Variants in ADAMTSL1 observed in about 807,000 individuals in gnomAD.
ADAMTSL1 encodes the protein ADAMTS-like protein 1.
Under a neutral mutation model 201.8 loss-of-function variants are expected in ADAMTSL1, and 126 were observed. The observed-to-expected ratio is 0.62, with a 90% CI of 0.54 to 0.72. The LOEUF is 0.72. Ranked by LOEUF, ADAMTSL1 falls within the 30% of genes least tolerant of loss-of-function variation. The pLI is 0.00. For synonymous variants in ADAMTSL1, 1,121 were observed against 903.4 expected, an observed-to-expected ratio of 1.24 and a Z score of -4.32; for missense variants, 2,679 against 2,277.8, an observed-to-expected ratio of 1.18 and a Z score of -3.59.
intron 2 of ADAMTSL1, among the ~76,000 whole-genome samples, chr9:18,165,561 A>G (rs889714357): frequency 1.3e-5 from 2 of 151,922 alleles, no homozygotes; most frequent in African/African-American, 4.8e-5. Context: ...AGTTATAATT[A>G]GCTTACTCAT....
chr9:18,632,046 A>G (rs918247063), intron 5 of ADAMTSL1, among the ~76,000 whole-genome samples: 18 of 152,332 alleles, frequency 1.2e-4, no homozygotes, highest in Admixed American at 6.5e-4. Flanking sequence ...CACCCAGAGG[A>G]ATGTGCAGCA....
In ADAMTSL1 at chr9:18,651,910, T is replaced by TTATATATA. The variant is rs144354985; in HGVS notation, c.835-5721_835-5714dup. On this transcript the variant is annotated intron_variant, in intron 7 of 28. Transcript: ENST00000380548. ...ATGGGAATTTATTAAGTTTATAAAA[T>TTATATATA]TATATATATATATATTTCCTTCATT... Among the ~76,000 whole-genome samples, 313 of 150,096 alleles carry TTATATATA rather than the reference T, an allele frequency of 2.1e-3. 2 individuals carry two copies. The East Asian group carries it at 0.026, about 12-fold the overall frequency.
rs72692417 is a variant in ADAMTSL1 at position 18,832,443 on chromosome 9, G to A, written c.4249+2466G>A. Among the ~76,000 whole-genome samples, 1,420 of 152,274 alleles carry A rather than the reference G, an allele frequency of 9.3e-3. 14 individuals are homozygous for A. Among genetic ancestry groups the A allele is most frequent in the Non-Finnish European group, 0.015 (995 of 68,030 alleles). On this transcript the variant is annotated intron_variant, in intron 23 of 28. Transcript: ENST00000380548. Reference sequence around the variant, plus strand: ...AAGTAGATGTACTACCTGGGGAACGGGAACAAATCTTTCGAGGGTTTTTAA... The same window carrying A: ...AAGTAGATGTACTACCTGGGGAACGAGAACAAATCTTTCGAGGGTTTTTAA...
At chr9:18,477,705 A>C (rs1328344104) in intron 1 of ADAMTSL1, among the ~76,000 whole-genome samples, 3 of 152,224 alleles carry the variant, frequency 2.0e-5, no homozygotes, top group Non-Finnish European at 2.9e-5. Context: ...AACGCTATGA[A>C]GCATTTAAAA....
chr9:18,034,918 AT>A (rs1240514937), intron 1 of ADAMTSL1, among the ~76,000 whole-genome samples: 1 of 152,116 alleles, frequency 6.6e-6, no homozygotes, highest in Non-Finnish European at 1.5e-5. Flanking sequence ...ACTCCTCGGT[AT>A]GGTAATCAGA....
intron 2 of ADAMTSL1, among the ~76,000 whole-genome samples, chr9:18,360,439 G>A (rs1262385196): frequency 1.3e-5 from 2 of 152,118 alleles, no homozygotes; most frequent in African/African-American, 2.4e-5. Context: ...CAAGATTTTT[G>A]AACTCTCTGA....
At chr9:18,398,762 G>T (rs1046560640) in intron 2 of ADAMTSL1, among the ~76,000 whole-genome samples, 1 of 152,118 alleles carries the variant, frequency 6.6e-6, no homozygotes, top group African/African-American at 2.4e-5. Flanking sequence ...GGGTTTTATA[G>T]GTGAGTGATC....
intron 20 of ADAMTSL1, chr9:18,796,740 T>C (rs1438934121): frequency 6.6e-6 from 1 of 152,248 alleles, no homozygotes; most frequent in Non-Finnish European, 1.5e-5. Context: ...TTTTTGTGAA[T>C]AAAACATTTG....
intron 1 of ADAMTSL1, among the ~76,000 whole-genome samples, chr9:17,918,803 T>C (rs1826198389): frequency 6.6e-6 from 1 of 151,926 alleles, no homozygotes. Context: ...ACTGTAGACT[T>C]GTCTATTTCT....
At chr9:18,563,895 A>G (rs948915351) in intron 3 of ADAMTSL1, among the ~76,000 whole-genome samples, 8 of 152,162 alleles carry the variant, frequency 5.3e-5, no homozygotes, top group African/African-American at 1.9e-4. Flanking sequence ...TCGACTTCAG[A>G]CTGCTGTGCT....
chr9:18,868,647 C>T (rs902401669), intron 23 of ADAMTSL1, among the ~76,000 whole-genome samples: 5 of 152,196 alleles, frequency 3.3e-5, no homozygotes, highest in African/African-American at 1.2e-4. Context: ...AAGCTCACAG[C>T]TTCCTGGTTG....
chr9:18,209,975 CA>C (rs1829801545), intron 2 of ADAMTSL1, among the ~76,000 whole-genome samples: 1 of 152,122 alleles, frequency 6.6e-6, no homozygotes, highest in Non-Finnish European at 1.5e-5. Context: ...CATTATTTCC[CA>C]TATGTTATAT....
At chr9:17,928,364 T>C (rs1026623324) in intron 1 of ADAMTSL1, among the ~76,000 whole-genome samples, 1 of 152,136 alleles carries the variant, frequency 6.6e-6, no homozygotes, top group Non-Finnish European at 1.5e-5. Context: ...TTTTGGGAGA[T>C]CCAGGAAACA....
chr9:18,470,456 C>T (rs1260515509), upstream of ADAMTSL1, among the ~76,000 whole-genome samples: 1 of 152,190 alleles, frequency 6.6e-6, no homozygotes. Context: ...AATCGAACTT[C>T]ACTGCATCCC....
chr9:18,622,413 T>C (rs753118956), intron 5 of ADAMTSL1, 44 bp downstream of exon 5: 1 of 1,613,644 alleles, frequency 6.2e-7, no homozygotes, highest in South Asian at 1.1e-5. Context: ...TGTTGACTTA[T>C]CCTCTCCTGG....
intron 2 of ADAMTSL1, among the ~76,000 whole-genome samples, chr9:18,359,016 A>C (rs9407897): frequency 0.54 from 82,416 of 151,966 alleles, 22,691 homozygotes; most frequent in East Asian, 0.61. Context: ...AAACAGTTTG[A>C]ACACTCTTCT....
intron 2 of ADAMTSL1, among the ~76,000 whole-genome samples, chr9:18,254,621 C>G (rs1057235372): frequency 7.9e-5 from 12 of 151,652 alleles, no homozygotes; most frequent in Non-Finnish European, 1.5e-4. Flanking sequence ...CCTCGGCCTC[C>G]CAAAGTGCTG....
chr9:17,957,839 G>T (rs1348329862), intron 1 of ADAMTSL1, among the ~76,000 whole-genome samples: 1 of 152,110 alleles, frequency 6.6e-6, no homozygotes, highest in African/African-American at 2.4e-5. Context: ...GCTAAGGGCT[G>T]CTGGGAGTCA....
At chr9:18,341,365 T>C (rs1835457514) in intron 2 of ADAMTSL1, among the ~76,000 whole-genome samples, 1 of 152,168 alleles carries the variant, frequency 6.6e-6, no homozygotes, top group Admixed American at 6.6e-5. Context: ...CATTCTTCAT[T>C]ATACCCTTTA....
Sources: allele counts gnomAD v4.1 joint callset (sites outside exome capture counted in the v4.1 genomes callset), GRCh38; gene constraint gnomAD v4.1.1; transcripts MANE v1.5; gene names NCBI Gene and HGNC (gene_info 2026-07-23, HGNC 2026-07-21).